PDS5A: variants seen among roughly 807,000 people sequenced by gnomAD.
PDS5A encodes the protein sister chromatid cohesion protein PDS5 homolog A.
PDS5A carries 42 observed loss-of-function variants against 167.1 expected under a neutral mutation model. That is an observed-to-expected ratio of 0.25 (90% CI 0.20 to 0.33). The LOEUF (loss-of-function observed/expected upper bound fraction) is 0.33. Ranked by LOEUF, PDS5A falls within the 10% of genes least tolerant of loss-of-function variation. PDS5A has a pLI of 1.00. For synonymous variants in PDS5A, 553 were observed against 554.6 expected, an observed-to-expected ratio of 1.00 and a Z score of 0.04; for missense variants, 1,033 against 1,605.9, an observed-to-expected ratio of 0.64 and a Z score of 6.10.
At chr4:39,831,807 C>T (rs961090775) in intron 32 of PDS5A, among the ~76,000 whole-genome samples, 4 of 115,060 alleles carry the variant, frequency 3.5e-5, no homozygotes, top group African/African-American at 1.0e-4. Flanking sequence ...GACTGGAAGG[C>T]GGAGGTTGCG....
chr4:39,935,008 G>C (rs1283384561), intron 2 of PDS5A, among the ~76,000 whole-genome samples: 1 of 151,972 alleles, frequency 6.6e-6, no homozygotes, highest in African/African-American at 2.4e-5. Flanking sequence ...AATTGATGAA[G>C]GATTTAACGT....
chr4:39,909,502 T>C (rs193047914), intron 10 of PDS5A, among the ~76,000 whole-genome samples: 6 of 152,314 alleles, frequency 3.9e-5, no homozygotes, highest in African/African-American at 1.4e-4. Context: ...TATGTCAGCT[T>C]GAATTTCAGT....
intron 2 of PDS5A, among the ~76,000 whole-genome samples, chr4:39,929,045 T>C (rs1423567033): frequency 1.3e-5 from 2 of 152,196 alleles, no homozygotes; most frequent in Non-Finnish European, 2.9e-5. Flanking sequence ...GCTGGCCTGT[T>C]TTCTCTGTAA....
At chr4:39,844,942 C>T in intron 29 of PDS5A, 141 bp from the exon 30 acceptor site, 1 of 892,000 alleles carries the variant, frequency 1.1e-6, no homozygotes, top group Non-Finnish European at 1.6e-6. Flanking sequence ...CTGGGCCAGG[C>T]ATACTGGCTC....
At chr4:39,844,426 G>T (rs1717381300) in intron 30 of PDS5A, among the ~76,000 whole-genome samples, 1 of 147,648 alleles carries the variant, frequency 6.8e-6, no homozygotes, top group Admixed American at 6.9e-5. Flanking sequence ...AGTGAACCAA[G>T]ATTGCGCCAT....
chr4:39,899,134 C>A (rs1722662301), intron 14 of PDS5A, among the ~76,000 whole-genome samples: 1 of 152,046 alleles, frequency 6.6e-6, no homozygotes, highest in Admixed American at 6.5e-5. Flanking sequence ...ATCAATGAAG[C>A]AATCAACATA....
At chr4:39,920,762 C>T (rs1724884266) in intron 6 of PDS5A, among the ~76,000 whole-genome samples, 1 of 152,212 alleles carries the variant, frequency 6.6e-6, no homozygotes, top group African/African-American at 2.4e-5. Context: ...AACACATACA[C>T]TCCCTGATCT....
intron 2 of PDS5A, 55 bp from the exon 3 acceptor site, chr4:39,928,219 T>A (rs1578760868): frequency 1.7e-6 from 2 of 1,193,254 alleles, no homozygotes; most frequent in East Asian, 5.0e-5. Flanking sequence ...TAGAAATCAG[T>A]GGAGGATGTG....
chr4:39,916,769 G>C (rs1291544929), intron 8 of PDS5A, among the ~76,000 whole-genome samples: 1 of 151,978 alleles, frequency 6.6e-6, no homozygotes, highest in Non-Finnish European at 1.5e-5. Context: ...GGGAGGCTGA[G>C]GCAGAAGAAT....
intron 21 of PDS5A, among the ~76,000 whole-genome samples, chr4:39,870,127 C>CA (rs1303200742): frequency 6.6e-6 from 1 of 151,064 alleles, no homozygotes; most frequent in African/African-American, 2.4e-5. Context: ...AAAAGCAAAA[C>CA]AAAAAAACTC....
At chr4:39,927,714 T>C (rs1004201762) in intron 3 of PDS5A, among the ~76,000 whole-genome samples, 5 of 152,168 alleles carry the variant, frequency 3.3e-5, no homozygotes, top group Non-Finnish European at 5.9e-5. Context: ...AGCCAGAAAA[T>C]TGGATTTGAG....
At chr4:39,919,562 G>A (rs576928880) in intron 7 of PDS5A, among the ~76,000 whole-genome samples, 9 of 152,172 alleles carry the variant, frequency 5.9e-5, no homozygotes, top group Non-Finnish European at 1.3e-4. Context: ...GCAGAATGGC[G>A]TCAACCCGGG....
At position 39,903,901 on chromosome 4, in the gene PDS5A, GATTA is replaced by G. The variant is rs1433795923; in HGVS notation, c.1385+135_1385+138del. The G allele has an allele frequency of 1.7e-5, 8 of 480,368 alleles. No homozygotes were observed. In the Admixed American group the frequency reaches 2.4e-4, roughly 14 times the overall value. 29.8% of individuals were successfully genotyped at this position (480,368 alleles called of 1,614,324 possible). On this transcript the variant is annotated intron_variant, in intron 12 of 32. Transcript: ENST00000303538. ...GCTATCTCTAAACTTAGAAATAAATGATTAATCAAGTTGAATAAACTTAATTTTA... is the reference window on the plus strand; with the variant it reads ...GCTATCTCTAAACTTAGAAATAAATGATCAAGTTGAATAAACTTAATTTTA...
At chr4:39,877,466 A>G (rs2109584420) in intron 18 of PDS5A, among the ~76,000 whole-genome samples, 1 of 152,328 alleles carries the variant, frequency 6.6e-6, no homozygotes, top group Admixed American at 6.5e-5. Flanking sequence ...AATGTGATTT[A>G]CAATATTAAT....
intron 32 of PDS5A, among the ~76,000 whole-genome samples, chr4:39,826,184 GTTTT>G (rs34109809): frequency 7.0e-6 from 1 of 142,858 alleles, no homozygotes. Flanking sequence ...AAACTGGCGT[GTTTT>G]TTTTTTTTTT....
intron 30 of PDS5A, among the ~76,000 whole-genome samples, chr4:39,844,249 C>T (rs972693608): frequency 5.3e-5 from 8 of 151,910 alleles, no homozygotes; most frequent in Admixed American, 5.2e-4. Flanking sequence ...CTGAGGCAGG[C>T]GGATCACCTC....
intron 2 of PDS5A, chr4:39,973,118 C>G: frequency 1.2e-6 from 1 of 810,710 alleles, no homozygotes; most frequent in Non-Finnish European, 2.2e-6. Flanking sequence ...TTCGTGGTCT[C>G]TGATCAATTT....
At chr4:39,895,134 A>G (rs1722283235) in intron 16 of PDS5A, among the ~76,000 whole-genome samples, 2 of 149,418 alleles carry the variant, frequency 1.3e-5, no homozygotes, top group Admixed American at 1.4e-4. Flanking sequence ...GGCTGAGGCA[A>G]GAGAACGCAG....
At chr4:39,972,086 A>C (rs186429969) in intron 2 of PDS5A, among the ~76,000 whole-genome samples, 60 of 152,338 alleles carry the variant, frequency 3.9e-4, no homozygotes, top group Non-Finnish European at 4.6e-4. Flanking sequence ...ACTCATAACA[A>C]ATGGATAATC....
Sources: allele counts gnomAD v4.1 joint callset (sites outside exome capture counted in the v4.1 genomes callset), GRCh38; gene constraint gnomAD v4.1.1; transcripts MANE v1.5; gene names NCBI Gene and HGNC (gene_info 2026-07-23, HGNC 2026-07-21).